The following WDR36 variants were observed in gnomAD, a reference collection of about 807,000 sequenced individuals.
The protein encoded by WDR36 is WD repeat-containing protein 36.
A neutral mutation model predicts 112.7 loss-of-function variants in WDR36; 63 were observed. That is an observed-to-expected ratio of 0.56 (90% CI 0.46 to 0.69). The LOEUF is 0.69. Among genes scored for constraint, WDR36 ranks in the 30% least tolerant of loss-of-function variants. The pLI is 0.00. For synonymous variants in WDR36, 410 were observed against 362.2 expected, an observed-to-expected ratio of 1.13 and a Z score of -1.50; for missense variants, 1,226 against 1,070.3, an observed-to-expected ratio of 1.15 and a Z score of -2.03.
chr5:111,105,505 C>A (rs1753206413), intron 10 of WDR36, 145 bp downstream of exon 10: 1 of 789,514 alleles, frequency 1.3e-6, no homozygotes. Flanking sequence ...AGTAAGATTC[C>A]TAGCATCAAA....
chr5:111,101,747 A>G (rs1753125293), intron 5 of WDR36, among the ~76,000 whole-genome samples: 1 of 151,884 alleles, frequency 6.6e-6, no homozygotes, highest in Non-Finnish European at 1.5e-5. Flanking sequence ...GTGTTTCATT[A>G]CAATTTAACA....
At chr5:111,120,854 C>CAGGGATA (rs1299398502) in intron 18 of WDR36, 142 bp from the exon 19 acceptor site, 2 of 821,694 alleles carry the variant, frequency 2.4e-6, no homozygotes, top group African/African-American at 3.5e-5. Context: ...AAGGAAAAGA[C>CAGGGATA]AGGGATAAGT....
chr5:111,097,017 C>T (rs572749644), intron 2 of WDR36, 62 bp from the exon 3 acceptor site: 2 of 1,160,678 alleles, frequency 1.7e-6, no homozygotes. Context: ...TATATGTATA[C>T]TTGAGGTTTC....
chr5:111,113,262 A>G (rs1265667469), intron 16 of WDR36, 109 bp downstream of exon 16: 12 of 576,012 alleles, frequency 2.1e-5, no homozygotes, highest in South Asian at 1.4e-4. Flanking sequence ...CAATGTGACT[A>G]TATTTGGAGA....
At position 111,116,799 on chromosome 5, in the gene WDR36, G is replaced by A. The variant is rs921337463; in HGVS notation, c.1797-2214G>A. Among the ~76,000 whole-genome samples the A allele has an allele frequency of 2.6e-4, 39 of 152,290 alleles. 1 individual carries two copies. The highest frequency in any genetic ancestry group is 9.1e-4 in the African/African-American group (38 of 41,554). The stretch of plus-strand genomic sequence containing the variant: ...ACCCACACACCACAGCTGTGGAAAT[G>A]AAGTTACACAATGAAGTTGACAAGA... On this transcript the variant is annotated intron_variant, in intron 16 of 22. Coordinates refer to ENST00000513710, the MANE Select transcript of WDR36 (RefSeq NM_139281.3).
chr5:111,125,725 T>C lies in WDR36; in HGVS notation c.2468T>C (p.Met823Thr), dbSNP rs1441171296. ...GAAGTTATGCAGAGCTTCTTGAAAA[T>C]GATTGGGATGATGCTGGACAGAAAG... ...SIEVMQSFLK[M>T]IGMMLDRKRD... Residue 823 changes from methionine (M) to threonine (T), a missense_variant, in exon 22 of 23, where the codon ATG becomes ACG. By Grantham distance (81) the Met-to-Thr change is moderately conservative. Transcript: ENST00000513710. 1.9e-6 allele frequency: 3 copies of C among 1,613,906 alleles called. No individual in the cohort carries two copies. The highest frequency in any genetic ancestry group is 1.7e-6 in the Non-Finnish European group (2 of 1,179,858).
At chr5:111,108,549 C>T (rs1468632704) in intron 12 of WDR36, among the ~76,000 whole-genome samples, 1 of 149,226 alleles carries the variant, frequency 6.7e-6, no homozygotes, top group South Asian at 2.1e-4. Context: ...CTTACGCTCC[C>T]GTAGGGACAT....
At chr5:111,120,378 A>G (rs539783243) in intron 17 of WDR36, 118 bp from the exon 18 acceptor site, 132 of 801,082 alleles carry the variant, frequency 1.6e-4, no homozygotes, top group Admixed American at 6.7e-4. Flanking sequence ...ATAACAATCT[A>G]TCTTTGAGGT....
At chr5:111,111,312 A>C in intron 15 of WDR36, 34 bp downstream of exon 15, 15 of 1,558,376 alleles carry the variant, frequency 9.6e-6, no homozygotes, top group Non-Finnish European at 1.2e-5. Flanking sequence ...AACTTGACTC[A>C]TTTCTACTTT....
intron 5 of WDR36, among the ~76,000 whole-genome samples, chr5:111,101,094 G>A (rs190960936): frequency 5.9e-5 from 9 of 152,042 alleles, no homozygotes; most frequent in Admixed American, 2.6e-4. Context: ...TTGAGCATCT[G>A]TGAATTTTGG....
At chr5:111,123,602 G>T (rs190397743) in intron 19 of WDR36, among the ~76,000 whole-genome samples, 36 of 152,280 alleles carry the variant, frequency 2.4e-4, no homozygotes, top group African/African-American at 8.4e-4. Context: ...ATCGGCAAGG[G>T]TGCTAGAGAT....
At chr5:111,103,704 C>T in intron 6 of WDR36, 82 bp from the exon 7 acceptor site, 1 of 1,536,550 alleles carries the variant, frequency 6.5e-7, no homozygotes, top group East Asian at 2.3e-5. Context: ...CTTTTGATAA[C>T]ACCTAATAAT....
Position 111,106,148 on chromosome 5 carries a change from G to GTAAC in WDR36, c.1180+7_1180+10dup. 6.2e-7 allele frequency: 1 copy of GTAAC among 1,607,852 alleles called. No individual in the cohort carries two copies. The highest frequency in any genetic ancestry group is 8.5e-7 in the Non-Finnish European group (1 of 1,175,206). On this transcript the variant is annotated splice_donor_region_variant and intron_variant, in intron 11 of 22. Coordinates refer to ENST00000513710, the MANE Select transcript of WDR36 (RefSeq NM_139281.3). ...CCATCACAAAGTTTGCAGCAGGTAA[G>GTAAC]TAACTTCAAACTGTGTTTTGAGAAG...
chr5:111,104,558 C>G, intron 8 of WDR36, 139 bp from the exon 9 acceptor site: 1 of 1,404,676 alleles, frequency 7.1e-7, no homozygotes, highest in Non-Finnish European at 1.0e-6. Flanking sequence ...CCCCAATACC[C>G]ACTCCCTCCC....
At chr5:111,107,661 G>C (rs1467473048) in intron 12 of WDR36, among the ~76,000 whole-genome samples, 1 of 151,354 alleles carries the variant, frequency 6.6e-6, no homozygotes, top group Non-Finnish European at 1.5e-5. Context: ...TGACTTTTGT[G>C]TATGGTATGA....
chr5:111,097,079 G>A lies in WDR36; in HGVS notation c.191G>A (p.Ser64Asn). 1 of 1,609,896 alleles carries A rather than the reference G, an allele frequency of 6.2e-7. No homozygotes were observed. The highest frequency in any genetic ancestry group is 8.5e-7 in the Non-Finnish European group (1 of 1,176,536). ...DVQKLSLVAV[S>N]NSVPQDICCM... ...TCTTTCATTTTGTATTTTCTGCTAG[G>A]TAATTCTGTTCCACAGGATATCTGC... is the stretch of plus-strand genomic sequence containing the variant. Residue 64 changes from serine (S) to asparagine (N), a missense_variant and splice_region_variant, in exon 3 of 23, where the codon AGT becomes AAT. Physicochemically the swap from Ser to Asn is conservative, Grantham distance 46. Transcript: ENST00000513710.
rs754995924 is a variant in WDR36, at chr5:111,111,255, C to T, written c.1693C>T (p.His565Tyr). 12 of 1,611,380 alleles carry T rather than the reference C, an allele frequency of 7.4e-6. No individual in the cohort carries two copies. The highest frequency in any genetic ancestry group is 1.0e-5 in the Non-Finnish European group (12 of 1,177,946). Residue 565 changes from histidine to tyrosine, a missense_variant, in exon 15 of 23, where the codon CAC becomes TAC. His to Tyr is a moderately conservative substitution (Grantham distance 83, BLOSUM62 2). Coordinates refer to ENST00000513710, the MANE Select transcript of WDR36 (RefSeq NM_139281.3). ...TRKIVREFSG[H>Y]QGQINDMAFS... ...GAAGATTGTCAGAGAGTTTTCTGGA[C>T]ACCAAGGCCAAATAAATGACATGGT...
At chr5:111,120,437 T>C in intron 17 of WDR36, 59 bp from the exon 18 acceptor site, 1 of 1,330,120 alleles carries the variant, frequency 7.5e-7, no homozygotes, top group East Asian at 2.3e-5. Flanking sequence ...TTGTAGAGTG[T>C]TTCTCTGAAA....
chr5:111,129,708 CAA>C lies in WDR36; in HGVS notation c.*2827_*2828del, dbSNP rs777328398. 5.0e-6 allele frequency: 1 copy of C among 199,440 alleles called. No homozygotes were observed. The highest frequency in any genetic ancestry group is 1.0e-5 in the Non-Finnish European group (1 of 96,764). The allele number at this position is 199,440 out of a possible 1,614,324, so 12.4% of individuals were successfully genotyped here. A position where few individuals can be genotyped will look rare whatever the true frequency, so the allele number is the denominator to read the frequency against. Reference sequence around the variant, plus strand: ...TAAATGTTTTATATTTGTATACAATCAAATTGATTAATTTTCATGACTTATTT... The same window carrying C: ...TAAATGTTTTATATTTGTATACAATCATTGATTAATTTTCATGACTTATTT... On this transcript the variant is annotated 3_prime_UTR_variant, in exon 23 of 23. Coordinates refer to ENST00000513710, the MANE Select transcript of WDR36 (RefSeq NM_139281.3).
Sources: gnomAD v4.1 joint callset for allele counts (sites outside exome capture counted in the v4.1 genomes callset) on GRCh38, gnomAD v4.1.1 for gene constraint, MANE v1.5 for transcripts, NCBI Gene and HGNC (gene_info 2026-07-23, HGNC 2026-07-21) for gene names.